Variants in BMERB1 observed in about 807,000 individuals in gnomAD.
BMERB1 encodes the protein bMERB domain-containing protein 1.
Under a neutral mutation model 23.6 loss-of-function variants are expected in BMERB1, and 12 were observed. The ratio of observed to expected loss-of-function variants is 0.51; its 90% CI spans 0.33 to 0.82. The LOEUF (loss-of-function observed/expected upper bound fraction) is 0.82. BMERB1 is among the 40% of genes least tolerant of loss of function. The pLI is 0.03. For missense variants in BMERB1, 247 were observed against 255.4 expected (o/e 0.97, Z 0.22); for synonymous variants, 122 against 96.6 (o/e 1.26, Z -1.54).
At chr16:15,456,212 C>T (rs1217172160) in intron 1 of BMERB1, among the ~76,000 whole-genome samples, 1 of 152,130 alleles carries the variant, frequency 6.6e-6, no homozygotes, top group Non-Finnish European at 1.5e-5. Context: ...TTTTGTTGGA[C>T]ATATGTTAAC....
intron 2 of BMERB1, among the ~76,000 whole-genome samples, chr16:15,562,757 G>T (rs138964953): frequency 6.6e-6 from 1 of 152,210 alleles, no homozygotes; most frequent in African/African-American, 2.4e-5. Flanking sequence ...CTGCAAAAGC[G>T]TCTGGAGTCT....
chr16:15,510,677 C>T (rs975350751), intron 1 of BMERB1, among the ~76,000 whole-genome samples: 1 of 151,942 alleles, frequency 6.6e-6, no homozygotes, highest in Non-Finnish European at 1.5e-5. Flanking sequence ...TTGGTAGCAT[C>T]ACAGCACACA....
chr16:15,463,206 G>A (rs1200129283), intron 1 of BMERB1, among the ~76,000 whole-genome samples: 3 of 151,692 alleles, frequency 2.0e-5, no homozygotes, highest in Non-Finnish European at 2.9e-5. Flanking sequence ...AGCCTCCTGA[G>A]TAGCTGGGGC....
At chr16:15,436,500 C>T (rs1463640344) in intron 1 of BMERB1, among the ~76,000 whole-genome samples, 3 of 152,090 alleles carry the variant, frequency 2.0e-5, no homozygotes, top group Non-Finnish European at 2.9e-5. Context: ...CTCAGGTGAT[C>T]GGCCTGCCCT....
intron 1 of BMERB1, among the ~76,000 whole-genome samples, chr16:15,455,323 CAAAAA>C (rs34467613): frequency 8.1e-6 from 1 of 122,758 alleles, no homozygotes; most frequent in East Asian, 2.4e-4. Context: ...GACTCTGTCT[CAAAAA>C]AAAAAAAAAG....
chr16:15,455,007 C>T (rs954941155), intron 1 of BMERB1, among the ~76,000 whole-genome samples: 6 of 151,998 alleles, frequency 3.9e-5, no homozygotes, highest in Non-Finnish European at 8.8e-5. Context: ...TCTCTTGCAA[C>T]AGAGAAAGCT....
intron 1 of BMERB1, among the ~76,000 whole-genome samples, chr16:15,490,867 G>A (rs538692058): frequency 6.6e-6 from 1 of 152,188 alleles, no homozygotes; most frequent in South Asian, 2.1e-4. Context: ...ATTTGAGACA[G>A]GGTCTTGCTC....
intron 1 of BMERB1, among the ~76,000 whole-genome samples, chr16:15,470,443 T>G (rs1242123027): frequency 6.6e-6 from 1 of 152,160 alleles, no homozygotes; most frequent in Non-Finnish European, 1.5e-5. Flanking sequence ...TAGTTTTCCT[T>G]TGTTGTACTG....
At chr16:15,532,585 G>A (rs185257862) in intron 2 of BMERB1, among the ~76,000 whole-genome samples, 2,212 of 113,846 alleles carry the variant, frequency 0.019, 61 homozygotes, top group African/African-American at 0.073. Flanking sequence ...TCGCTCTGTC[G>A]CCCAGGCTGG....
At chr16:15,488,937 C>G (rs138995220) in intron 1 of BMERB1, among the ~76,000 whole-genome samples, 1 of 150,074 alleles carries the variant, frequency 6.7e-6, no homozygotes, top group African/African-American at 2.4e-5. Context: ...ATGTACTAAC[C>G]GGGGTTTCTA....
intron 1 of BMERB1, 90 bp downstream of exon 1, chr16:15,434,849 C>T: frequency 8.7e-7 from 1 of 1,155,676 alleles, no homozygotes; most frequent in South Asian, 1.6e-5. Context: ...GGAACGCCAG[C>T]AGTGGACCCA....
intron 3 of BMERB1, among the ~76,000 whole-genome samples, chr16:15,569,364 G>A (rs1456023908): frequency 6.6e-6 from 1 of 152,126 alleles, no homozygotes; most frequent in African/African-American, 2.4e-5. Context: ...GGAAGACAAG[G>A]GAGCAGACAT....
chr16:15,448,580 G>A (rs1350501659), intron 1 of BMERB1, among the ~76,000 whole-genome samples: 2 of 152,142 alleles, frequency 1.3e-5, no homozygotes, highest in East Asian at 1.9e-4. Context: ...GGTCACTTGA[G>A]TTCAGGGGTT....
intron 1 of BMERB1, among the ~76,000 whole-genome samples, chr16:15,509,817 A>T (rs1279219727): frequency 6.6e-6 from 1 of 152,196 alleles, no homozygotes; most frequent in Non-Finnish European, 1.5e-5. Context: ...GTTCATGTGC[A>T]TCTTAAAACA....
In BMERB1 at chr16:15,583,471, G is replaced by A. The variant is rs554316274; in HGVS notation, c.502+233G>A. 7.9e-5 allele frequency among the ~76,000 whole-genome samples: 12 copies of A among 151,568 alleles called. No homozygotes were observed. In the East Asian group the frequency reaches 9.7e-4, roughly 12 times the overall value. On this transcript the variant is annotated intron_variant, in intron 5 of 5. Coordinates refer to ENST00000300006, the MANE Select transcript of BMERB1 (RefSeq NM_033201.3). ...CACACACCTGAAATCCCAGCTACTC[G>A]AGAGGCTGAGGCAGGAGAATTGCTT...
intron 1 of BMERB1, among the ~76,000 whole-genome samples, chr16:15,507,011 A>G (rs2051599158): frequency 6.6e-6 from 1 of 152,188 alleles, no homozygotes; most frequent in South Asian, 2.1e-4. Context: ...TATGAGCTAG[A>G]TCATGGCTCC....
chr16:15,520,223 C>T (rs941107413), intron 2 of BMERB1, among the ~76,000 whole-genome samples: 14 of 152,118 alleles, frequency 9.2e-5, no homozygotes, highest in Non-Finnish European at 1.5e-4. Flanking sequence ...GTGTCTGTCT[C>T]GTGGGGGCAG....
At chr16:15,465,355 T>TATA (rs72469210) in intron 1 of BMERB1, among the ~76,000 whole-genome samples, 43 of 17,274 alleles carry the variant, frequency 2.5e-3, no homozygotes, top group South Asian at 0.019. Flanking sequence ...AGATATATAT[T>TATA]TTTTTTTTTT....
At chr16:15,450,231 T>C (rs1419477155) in intron 1 of BMERB1, among the ~76,000 whole-genome samples, 1 of 151,930 alleles carries the variant, frequency 6.6e-6, no homozygotes, top group African/African-American at 2.4e-5. Context: ...TGGTGAGCAC[T>C]GAAATTTGAA....
Sources: allele counts gnomAD v4.1 joint callset (sites outside exome capture counted in the v4.1 genomes callset), GRCh38; gene constraint gnomAD v4.1.1; transcripts MANE v1.5; gene names NCBI Gene and HGNC (gene_info 2026-07-23, HGNC 2026-07-21).